Variants in DAB1 observed in about 807,000 individuals in gnomAD.
DAB1 encodes disabled homolog 1.
In DAB1, 15 loss-of-function variants were observed where a neutral mutation model predicts 64.6. That is an observed-to-expected ratio of 0.23 (90% CI 0.16 to 0.36). The LOEUF (loss-of-function observed/expected upper bound fraction) is 0.36. Among genes scored for constraint, DAB1 ranks in the 10% least tolerant of loss-of-function variants. The pLI is 1.00. For synonymous variants in DAB1, 235 were observed against 251.9 expected (o/e 0.93, Z 0.64); for missense variants, 596 against 706.7 (o/e 0.84, Z 1.78).
chr1:57,708,184 T>C (rs1369090257), intron 6 of DAB1, among the ~76,000 whole-genome samples: 1 of 152,216 alleles, frequency 6.6e-6, no homozygotes, highest in African/African-American at 2.4e-5. Context: ...GGTGGTGAAT[T>C]CTGCCTGGAT....
chr1:58,445,546 C>T (rs1645055881), intron 3 of DAB1, among the ~76,000 whole-genome samples: 1 of 152,186 alleles, frequency 6.6e-6, no homozygotes, highest in African/African-American at 2.4e-5. Flanking sequence ...GGCTCCCCTC[C>T]ATGATTTACA....
At chr1:57,634,198 T>C (rs536707926) in intron 7 of DAB1, among the ~76,000 whole-genome samples, 36 of 152,326 alleles carry the variant, frequency 2.4e-4, no homozygotes, top group African/African-American at 7.9e-4. Context: ...CTCAGTGATC[T>C]CATCTTCAAA....
At chr1:57,276,169 T>C (rs1369917396) in intron 2 of DAB1, among the ~76,000 whole-genome samples, 1 of 152,238 alleles carries the variant, frequency 6.6e-6, no homozygotes. Context: ...CACACAGTAG[T>C]GTGCAGGAGA....
intron 2 of DAB1, among the ~76,000 whole-genome samples, chr1:57,216,216 C>T (rs967258770): frequency 6.6e-6 from 1 of 151,928 alleles, no homozygotes; most frequent in Admixed American, 6.6e-5. Context: ...AGGAAGGTTA[C>T]TTACCTTATC....
intron 7 of DAB1, among the ~76,000 whole-genome samples, chr1:57,628,768 T>C (rs1236102039): frequency 6.6e-6 from 1 of 152,234 alleles, no homozygotes; most frequent in Non-Finnish European, 1.5e-5. Flanking sequence ...TTACAGCTTA[T>C]TGGTTATTTC....
chr1:57,994,708 C>T (rs980738214), intron 5 of DAB1, among the ~76,000 whole-genome samples: 3 of 152,004 alleles, frequency 2.0e-5, no homozygotes, highest in Non-Finnish European at 4.4e-5. Flanking sequence ...ACACTGGGGG[C>T]GGACAGGATG....
intron 5 of DAB1, chr1:58,080,351 G>C (rs146790975): frequency 6.6e-6 from 1 of 152,308 alleles, no homozygotes; most frequent in East Asian, 1.9e-4. Context: ...TTCCTCATCT[G>C]TTGATAGCAC....
intron 6 of DAB1, among the ~76,000 whole-genome samples, chr1:57,749,567 G>A (rs1324254646): frequency 6.6e-6 from 1 of 152,094 alleles, no homozygotes; most frequent in East Asian, 1.9e-4. Flanking sequence ...TAAGCCGCAG[G>A]GCATGTGCTT....
intron 3 of DAB1, among the ~76,000 whole-genome samples, chr1:58,447,123 T>G (rs563695778): frequency 6.6e-6 from 1 of 152,270 alleles, no homozygotes; most frequent in East Asian, 1.9e-4. Context: ...CTCAGCAACC[T>G]CCCTGGCCAT....
At chr1:57,717,466 G>A (rs1430282047) in intron 6 of DAB1, among the ~76,000 whole-genome samples, 2 of 151,958 alleles carry the variant, frequency 1.3e-5, no homozygotes, top group African/African-American at 4.8e-5. Flanking sequence ...AGGTACTGTT[G>A]GTGGGAATGT....
intron 7 of DAB1, among the ~76,000 whole-genome samples, chr1:57,449,798 G>C (rs1686284190): frequency 6.6e-6 from 1 of 152,124 alleles, no homozygotes; most frequent in South Asian, 2.1e-4. Context: ...TTTAGAATAT[G>C]TCATTTTGTG....
intron 2 of DAB1, among the ~76,000 whole-genome samples, chr1:57,264,954 A>G (rs189740724): frequency 2.0e-4 from 31 of 152,330 alleles, no homozygotes; most frequent in African/African-American, 7.2e-4. Flanking sequence ...CTGTAACCTC[A>G]TTTAATCCTC....
At chr1:57,449,429 G>T (rs767137717) in intron 7 of DAB1, among the ~76,000 whole-genome samples, 3 of 148,656 alleles carry the variant, frequency 2.0e-5, no homozygotes, top group Non-Finnish European at 4.4e-5. Flanking sequence ...ACCCAGGCTA[G>T]AGTGCAGTGG....
intron 4 of DAB1, among the ~76,000 whole-genome samples, chr1:58,187,241 T>C: frequency 6.8e-6 from 1 of 147,258 alleles, no homozygotes; most frequent in South Asian, 2.1e-4. Context: ...GGAGGATCGC[T>C]CAAAGCCAGG....
chr1:57,378,705 G>A (rs1681109574), intron 1 of DAB1, among the ~76,000 whole-genome samples: 2 of 152,206 alleles, frequency 1.3e-5, no homozygotes, highest in South Asian at 4.1e-4. Flanking sequence ...ATGCCTTTGT[G>A]TGAGTTTTCT....
chr1:57,580,045 T>A (rs1162842436), intron 7 of DAB1, among the ~76,000 whole-genome samples: 1 of 151,880 alleles, frequency 6.6e-6, no homozygotes, highest in African/African-American at 2.4e-5. Context: ...GGGTTAGGAT[T>A]GGCTAGTTTG....
chr1:58,014,998 T>C (rs1019033539), intron 5 of DAB1, among the ~76,000 whole-genome samples: 2 of 152,208 alleles, frequency 1.3e-5, no homozygotes, highest in South Asian at 2.1e-4. Context: ...CTATGGTGAA[T>C]TGGCTGCTTT....
At chr1:58,378,084 A>C (rs1644347085) in intron 3 of DAB1, among the ~76,000 whole-genome samples, 1 of 134,166 alleles carries the variant, frequency 7.5e-6, no homozygotes, top group African/African-American at 2.8e-5. Flanking sequence ...CATTCTTCTA[A>C]ATTTTTTTCA....
intron 2 of DAB1, among the ~76,000 whole-genome samples, chr1:57,270,396 C>T (rs1670902113): frequency 1.3e-5 from 2 of 152,180 alleles, no homozygotes; most frequent in African/African-American, 4.8e-5. Flanking sequence ...TAAAAAGTTG[C>T]TAAGAATACC....
Sources: allele counts gnomAD v4.1 joint callset (sites outside exome capture counted in the v4.1 genomes callset), GRCh38; gene constraint gnomAD v4.1.1; transcripts MANE v1.5; gene names NCBI Gene and HGNC (gene_info 2026-07-23, HGNC 2026-07-21).